The following ADGRG6 variants were observed in gnomAD, a reference collection of about 807,000 sequenced individuals.
ADGRG6 encodes the protein G-protein coupled receptor 126.
ADGRG6 carries 84 observed loss-of-function variants against 142.4 expected under a neutral mutation model. The observed-to-expected ratio is 0.59, with a 90% CI of 0.49 to 0.71. ADGRG6 has a LOEUF of 0.71. Ranked by LOEUF, ADGRG6 falls within the 30% of genes least tolerant of loss-of-function variation. The pLI, the probability that ADGRG6 is intolerant of heterozygous loss-of-function variation, is 0.00. For synonymous variants in ADGRG6, 521 were observed against 520.5 expected, an observed-to-expected ratio of 1.00 and a Z score of -0.01; for missense variants, 1,367 against 1,466.6, an observed-to-expected ratio of 0.93 and a Z score of 1.11.
chr6:142,428,772 C>T (rs1271379754), intron 22 of ADGRG6, among the ~76,000 whole-genome samples: 2 of 152,068 alleles, frequency 1.3e-5, no homozygotes, highest in African/African-American at 2.4e-5. Flanking sequence ...CCATCAGTTC[C>T]CTCCGTTGAC....
chr6:142,398,787 AT>A (rs1775342587), intron 10 of ADGRG6, among the ~76,000 whole-genome samples: 1 of 152,178 alleles, frequency 6.6e-6, no homozygotes, highest in Non-Finnish European at 1.5e-5. Context: ...CCTCTACTTC[AT>A]GCTGTCCAGA....
intron 2 of ADGRG6, among the ~76,000 whole-genome samples, chr6:142,343,293 T>C (rs1249342310): frequency 6.6e-6 from 1 of 151,624 alleles, no homozygotes; most frequent in Non-Finnish European, 1.5e-5. Context: ...AAATAACCTA[T>C]CTAAAAAATT....
chr6:142,430,046 G>T (rs990823541), intron 22 of ADGRG6, among the ~76,000 whole-genome samples: 1 of 151,992 alleles, frequency 6.6e-6, no homozygotes, highest in African/African-American at 2.4e-5. Context: ...GTGAGACCTT[G>T]TCTCAGGGGA....
chr6:142,311,562 A>G (rs988196793), intron 2 of ADGRG6, among the ~76,000 whole-genome samples: 7 of 152,010 alleles, frequency 4.6e-5, no homozygotes, highest in South Asian at 2.1e-4. Context: ...TATATATGAT[A>G]TTTAAAATCT....
intron 18 of ADGRG6, among the ~76,000 whole-genome samples, chr6:142,413,899 T>A (rs914171323): frequency 0.012 from 1,659 of 141,480 alleles, 32 homozygotes; most frequent in African/African-American, 0.04. Flanking sequence ...CATTTCTTTA[T>A]CACACACACA....
intron 2 of ADGRG6, among the ~76,000 whole-genome samples, chr6:142,340,060 C>T (rs1779538518): frequency 6.6e-6 from 1 of 152,096 alleles, no homozygotes; most frequent in South Asian, 2.1e-4. Context: ...TCTCTTTTGT[C>T]ATGTTACTGA....
In ADGRG6 at chr6:142,308,053, T is replaced by C. The variant is rs1238365297; in HGVS notation, c.3-1491T>C. On this transcript the variant is annotated intron_variant, in intron 1 of 24. Coordinates refer to ENST00000367609, the MANE Select transcript of ADGRG6 (RefSeq NM_198569.3). ...GTGTTGGCATATGAGATTAATCTTG[T>C]TTACTCTTGCTTGAGTCTTTTCCTT... is the stretch of plus-strand genomic sequence containing the variant. 1.3e-5 allele frequency among the ~76,000 whole-genome samples: 2 copies of C among 152,048 alleles called. 1 individual carries two copies. The highest frequency in any genetic ancestry group is 2.9e-5 in the Non-Finnish European group (2 of 67,936).
In ADGRG6 at chr6:142,367,674, C is replaced by T. The variant is rs116955726; in HGVS notation, c.209C>T (p.Thr70Met). ...CCAAACAGCCAGGCTTGCATGTGGA[C>T]GCTCCGAGCCCCCACCGGTTATATC... ...DYPNSQACMWTLRAPTGYIIQ... is the reference protein window; with the variant it reads ...DYPNSQACMWMLRAPTGYIIQ... Residue 70 changes from threonine (T) to methionine (M), a missense_variant, in exon 3 of 25, where the codon ACG becomes ATG. By Grantham distance (81) the Thr-to-Met change is moderately conservative. Transcript: ENST00000367609. The T allele has an allele frequency of 4.1e-3, 6,667 of 1,613,586 alleles. 176 individuals carry two copies. In the East Asian group the frequency reaches 0.075, roughly 18 times the overall value.
At chr6:142,404,367 G>A (rs141239451) in intron 14 of ADGRG6, 6 of 196,248 alleles carry the variant, frequency 3.1e-5, no homozygotes, top group East Asian at 1.8e-4. Flanking sequence ...GAGGCTGGGC[G>A]CGGTCTCTCA....
At chr6:142,424,382 GGTT>G (rs1776832615) in intron 22 of ADGRG6, among the ~76,000 whole-genome samples, 1 of 134,948 alleles carries the variant, frequency 7.4e-6, no homozygotes. Flanking sequence ...TAGCATGAAG[GGTT>G]GTTGAATTTT....
chr6:142,347,438 C>A (rs1779961359), intron 2 of ADGRG6, among the ~76,000 whole-genome samples: 1 of 152,076 alleles, frequency 6.6e-6, no homozygotes, highest in Admixed American at 6.5e-5. Flanking sequence ...GTAGATAGTT[C>A]ACCTATGTAG....
chr6:142,314,076 C>T (rs906702696), intron 2 of ADGRG6, among the ~76,000 whole-genome samples: 1 of 152,108 alleles, frequency 6.6e-6, no homozygotes, highest in Non-Finnish European at 1.5e-5. Context: ...TGTTTCAGAC[C>T]TCAGATTAGC....
In ADGRG6 at chr6:142,319,673, A is replaced by T. The variant is rs186604978; in HGVS notation, c.103+10029A>T. 4.9e-3 allele frequency among the ~76,000 whole-genome samples: 751 copies of T among 152,052 alleles called. 1 individual carries two copies. The highest frequency in any genetic ancestry group is 0.027 in the Middle Eastern group (8 of 294). Reference sequence around the variant, plus strand: ...TTTCAATTTTCCCATTATAACTTAAATTTTTCCATAAGACAGTTATTAGAA... The same window carrying T: ...TTTCAATTTTCCCATTATAACTTAATTTTTTCCATAAGACAGTTATTAGAA... On this transcript the variant is annotated intron_variant, in intron 2 of 24. Coordinates refer to ENST00000367609, the MANE Select transcript of ADGRG6 (RefSeq NM_198569.3).
rs373223780 is a variant in ADGRG6, at chr6:142,445,369, A to G, written c.*1854A>G. On this transcript the variant is annotated 3_prime_UTR_variant, in exon 25 of 25. Transcript: ENST00000367609. The stretch of plus-strand genomic sequence containing the variant: ...CTGCTTATTTTGGCGGAGGTTACAT[A>G]TGGATGAAAATGAATCTTAGTCACT... 12 of 152,176 alleles carry G rather than the reference A, an allele frequency of 7.9e-5. No individual in the cohort carries two copies. Among genetic ancestry groups the G allele is most frequent in the African/African-American group, 2.9e-4 (12 of 41,434 alleles). 9.4% of individuals were successfully genotyped at this position (152,176 alleles called of 1,614,324 possible).
chr6:142,444,616 A>G lies in ADGRG6; in HGVS notation c.*1101A>G, dbSNP rs558133888. On this transcript the variant is annotated 3_prime_UTR_variant, in exon 25 of 25. Coordinates refer to ENST00000367609, the MANE Select transcript of ADGRG6 (RefSeq NM_198569.3). ...CTAGTCTAAAAACTACTTGTGTGTC[A>G]GTCCTCTGGTTATAGTATATAAGAG... The G allele has an allele frequency of 1.3e-5, 2 of 152,324 alleles. No homozygotes were observed. The highest frequency in any genetic ancestry group is 1.5e-5 in the Non-Finnish European group (1 of 68,030). 9.4% of individuals were successfully genotyped at this position (152,324 alleles called of 1,614,324 possible).
intron 18 of ADGRG6, among the ~76,000 whole-genome samples, chr6:142,412,267 T>G (rs970670531): frequency 6.6e-6 from 1 of 152,214 alleles, no homozygotes; most frequent in African/African-American, 2.4e-5. Context: ...TTGTTTCTGT[T>G]TGGTTTTCAT....
chr6:142,333,921 T>C (rs939210260), intron 2 of ADGRG6, among the ~76,000 whole-genome samples: 2 of 152,188 alleles, frequency 1.3e-5, no homozygotes, highest in Non-Finnish European at 2.9e-5. Flanking sequence ...TCTAATCCTA[T>C]GGCTTGTCCA....
chr6:142,426,924 G>A (rs1055766956), intron 22 of ADGRG6, among the ~76,000 whole-genome samples: 3 of 152,106 alleles, frequency 2.0e-5, no homozygotes, highest in African/African-American at 7.2e-5. Context: ...TGGGACACAG[G>A]TCACCAAGTC....
intron 24 of ADGRG6, among the ~76,000 whole-genome samples, chr6:142,441,138 G>A (rs1000337062): frequency 5.9e-5 from 9 of 152,170 alleles, no homozygotes; most frequent in African/African-American, 1.9e-4. Context: ...TGCTGTGCTG[G>A]CTCTTCTCTG....
Sources: allele counts gnomAD v4.1 joint callset (sites outside exome capture counted in the v4.1 genomes callset), GRCh38; gene constraint gnomAD v4.1.1; transcripts MANE v1.5; gene names NCBI Gene and HGNC (gene_info 2026-07-23, HGNC 2026-07-21).